The following ARHGEF4 variants were observed in gnomAD, a reference collection of about 807,000 sequenced individuals.
ARHGEF4 encodes Rho guanine nucleotide exchange factor 4, also known as APC-stimulated guanine nucleotide exchange factor 1.
In ARHGEF4, 119 loss-of-function variants were observed where a neutral mutation model predicts 162.0. The observed-to-expected ratio is 0.73, with a 90% CI of 0.63 to 0.86. The LOEUF is 0.86. Among genes scored for constraint, ARHGEF4 ranks in the 40% least tolerant of loss-of-function variants. The pLI is 0.00. For synonymous variants in ARHGEF4, 1,014 were observed against 979.9 expected (o/e 1.03, Z -0.65); for missense variants, 2,488 against 2,456.0 (o/e 1.01, Z -0.28).
intron 1 of ARHGEF4, among the ~76,000 whole-genome samples, chr2:130,874,977 A>G (rs969240041): frequency 1.3e-5 from 2 of 152,120 alleles, no homozygotes; most frequent in Admixed American, 6.6e-5. Flanking sequence ...GTTGTTTTCC[A>G]GGTCTCCTAC....
intron 1 of ARHGEF4, among the ~76,000 whole-genome samples, chr2:130,877,572 C>A (rs1289380076): frequency 1.3e-5 from 2 of 152,124 alleles, no homozygotes; most frequent in Admixed American, 1.3e-4. Context: ...ATTGCTTGAA[C>A]CCAGTAGGCC....
rs769440403 is a variant in ARHGEF4, at chr2:130,916,413, C to A, written c.2467C>A (p.Arg823Ser). The A allele has an allele frequency of 6.5e-7, 1 of 1,532,380 alleles. No homozygotes were observed. The allele number at this position is 1,532,380 out of a possible 1,614,324, so 94.9% of individuals were successfully genotyped here. The change falls in exon 2 of 14, where the codon CGC becomes AGC. Residue 823 changes from arginine (R) to serine (S), a missense_variant. Coordinates refer to ENST00000409359, the MANE Select transcript of ARHGEF4 (RefSeq NM_001367493.1). ...CCCGGCCCCGACCACCGAGGGTCGC[C>A]GCTGGGGCTCTTCAGGCCCCGAGGG... is the stretch of plus-strand genomic sequence containing the variant. ...GVPAPTTEGR[R>S]WGSSGPEGLP...
chr2:130,897,468 G>C (rs1458799602), intron 1 of ARHGEF4, among the ~76,000 whole-genome samples: 1 of 139,680 alleles, frequency 7.2e-6, no homozygotes. Context: ...CAACACCAAG[G>C]ACTGGCTTCC....
At chr2:130,847,357 T>C (rs1318008134) in intron 1 of ARHGEF4, among the ~76,000 whole-genome samples, 1 of 152,232 alleles carries the variant, frequency 6.6e-6, no homozygotes, top group Admixed American at 6.5e-5. Context: ...GGGAAATTAT[T>C]GAGCCCTCAT....
At chr2:130,934,370 T>C (rs975672882) in intron 3 of ARHGEF4, among the ~76,000 whole-genome samples, 1 of 152,218 alleles carries the variant, frequency 6.6e-6, no homozygotes, top group Admixed American at 6.5e-5. Flanking sequence ...TTGAGAAAGA[T>C]TCTTCTTTAA....
intron 4 of ARHGEF4, among the ~76,000 whole-genome samples, chr2:131,026,225 C>T (rs976644153): frequency 1.3e-5 from 2 of 152,158 alleles, no homozygotes; most frequent in Non-Finnish European, 2.9e-5. Context: ...CCACAAAAAT[C>T]ATTTCCAGGT....
intron 4 of ARHGEF4, among the ~76,000 whole-genome samples, chr2:130,966,076 A>G (rs1268635888): frequency 6.6e-6 from 1 of 152,152 alleles, no homozygotes; most frequent in East Asian, 1.9e-4. Flanking sequence ...GGGTATCTCT[A>G]GGTCCACAGG....
chr2:130,916,396 C>T lies in ARHGEF4; in HGVS notation c.2450C>T (p.Pro817Leu). The T allele has an allele frequency of 3.3e-6, 5 of 1,529,828 alleles. No homozygotes were observed. The highest frequency in any genetic ancestry group is 4.4e-6 in the Non-Finnish European group (5 of 1,141,702). The allele number at this position is 1,529,828 out of a possible 1,614,324, so 94.8% of individuals were successfully genotyped here. The change falls in exon 2 of 14, where the codon CCG becomes CTG. Residue 817 changes from proline to leucine, a missense_variant. By Grantham distance (98) the Pro-to-Leu change is moderately conservative (BLOSUM62 -3). This residue lies in a region of ARHGEF4 where 1,642 missense variants were observed against 1,481.5 expected (regional missense o/e 1.11). Coordinates refer to ENST00000409359, the MANE Select transcript of ARHGEF4 (RefSeq NM_001367493.1). ...GAGAGCCCAGGAGGGGTCCCGGCCC[C>T]GACCACCGAGGGTCGCCGCTGGGGC... ...ATESPGGVPA[P>L]TTEGRRWGSS...
intron 4 of ARHGEF4, chr2:131,011,891 A>T (rs1385296122): frequency 1.4e-6 from 1 of 703,296 alleles, no homozygotes. Flanking sequence ...AGGGGCAGAG[A>T]TGGGACCTGC....
intron 4 of ARHGEF4, among the ~76,000 whole-genome samples, chr2:130,978,137 C>G (rs1010209835): frequency 6.6e-6 from 1 of 152,176 alleles, no homozygotes; most frequent in African/African-American, 2.4e-5. Flanking sequence ...GGATCCATTT[C>G]TATGTTTATC....
At chr2:131,007,695 A>G (rs1231544546) in intron 4 of ARHGEF4, among the ~76,000 whole-genome samples, 2 of 151,908 alleles carry the variant, frequency 1.3e-5, no homozygotes, top group Admixed American at 6.6e-5. Context: ...TTCATAAATA[A>G]GATCACACTC....
Position 131,027,991 on chromosome 2 carries a change from G to A in ARHGEF4, c.4032G>A (p.Val1344=). ...ALDTAVCADE[V]GSEEDLYDDL... is the part of the protein sequence containing the mutation. Reference sequence around the variant, plus strand: ...ACACAGCTGTCTGCGCTGACGAAGTGGGGAGCGAGGAGGACCTGTATGATG... The same window carrying A: ...ACACAGCTGTCTGCGCTGACGAAGTAGGGAGCGAGGAGGACCTGTATGATG... The change falls in exon 5 of 14, where the codon GTG becomes GTA. Residue 1344 remains valine (V), a synonymous_variant. Coordinates refer to ENST00000409359, the MANE Select transcript of ARHGEF4 (RefSeq NM_001367493.1). 3 of 1,614,088 alleles carry A rather than the reference G, an allele frequency of 1.9e-6. No homozygotes were observed. Among genetic ancestry groups the A allele is most frequent in the Non-Finnish European group, 2.5e-6 (3 of 1,180,036 alleles).
At chr2:131,012,183 G>A (rs545385953) in intron 4 of ARHGEF4, among the ~76,000 whole-genome samples, 4 of 152,214 alleles carry the variant, frequency 2.6e-5, no homozygotes, top group African/African-American at 4.8e-5. Flanking sequence ...GGTCCTCCTC[G>A]TGTAGGCAGA....
At chr2:130,890,439 G>A (rs1014154870) in intron 1 of ARHGEF4, among the ~76,000 whole-genome samples, 1 of 152,064 alleles carries the variant, frequency 6.6e-6, no homozygotes, top group Admixed American at 6.6e-5. Flanking sequence ...GCGGGTGCCT[G>A]TAGTCCCAGG....
In ARHGEF4 at chr2:130,946,527, A is replaced by G. The variant is rs1322112564; in HGVS notation, c.3877A>G (p.Ile1293Val). 7 of 1,613,060 alleles carry G rather than the reference A, an allele frequency of 4.3e-6. No homozygotes were observed. The Admixed American group carries it at 1.2e-4, about 27-fold the overall frequency. Reference sequence around the variant, plus strand: ...CTTCCAGTGCTGGAGAAAGACGATCATTACCTCTCCAGAGTCTTTGAATCT... The same window carrying G: ...CTTCCAGTGCTGGAGAAAGACGATCGTTACCTCTCCAGAGTCTTTGAATCT... ...DGVKCWRKTI[I>V]TSPESLNLPR... is the part of the protein sequence containing the mutation. The change falls in exon 4 of 14, where the codon ATT (isoleucine) becomes GTT (valine). Residue 1293 changes from isoleucine (I) to valine (V), a missense_variant. Transcript: ENST00000409359.
At chr2:131,032,260 G>A (rs1689902702) in intron 5 of ARHGEF4, among the ~76,000 whole-genome samples, 1 of 151,874 alleles carries the variant, frequency 6.6e-6, no homozygotes, top group Admixed American at 6.6e-5. Context: ...CCCAGGGCAG[G>A]GTCACTGCCC....
chr2:130,918,737 T>C lies in ARHGEF4; in HGVS notation c.3552+1239T>C, dbSNP rs186179435. Among the ~76,000 whole-genome samples, 256 of 152,312 alleles carry C rather than the reference T, an allele frequency of 1.7e-3. 1 individual carries two copies. The highest frequency in any genetic ancestry group is 5.8e-3 in the African/African-American group (241 of 41,568). On this transcript the variant is annotated intron_variant, in intron 2 of 13. Coordinates refer to ENST00000409359, the MANE Select transcript of ARHGEF4 (RefSeq NM_001367493.1). The stretch of plus-strand genomic sequence containing the variant: ...CACAAGGCCGAGTGGACAGCATACA[T>C]TGAAATAGGATCACTACCAGCAGGA...
chr2:130,932,939 A>T (rs1421667112), intron 3 of ARHGEF4, among the ~76,000 whole-genome samples: 1 of 152,176 alleles, frequency 6.6e-6, no homozygotes, highest in Non-Finnish European at 1.5e-5. Context: ...CTTACCCGCC[A>T]GGCGCAATGG....
At chr2:130,936,692 T>C (rs938239233) in intron 3 of ARHGEF4, among the ~76,000 whole-genome samples, 3 of 152,166 alleles carry the variant, frequency 2.0e-5, no homozygotes, top group African/African-American at 7.2e-5. Flanking sequence ...TCTCTATTGC[T>C]GATTTCAAGA....
Sources: gnomAD v4.1 joint callset for allele counts (sites outside exome capture counted in the v4.1 genomes callset) on GRCh38, gnomAD v4.1.1 for gene constraint, gnomAD v4.1.1 regional missense constraint, MANE v1.5 for transcripts, NCBI Gene and HGNC (gene_info 2026-07-23, HGNC 2026-07-21) for gene names.